Variants in GRIK4 observed in about 807,000 individuals in gnomAD.
The protein encoded by GRIK4 is glutamate ionotropic receptor kainate type subunit 4.
Under a neutral mutation model 104.9 loss-of-function variants are expected in GRIK4, and 40 were observed. The ratio of observed to expected loss-of-function variants is 0.38; its 90% confidence interval spans 0.30 to 0.50. The LOEUF (loss-of-function observed/expected upper bound fraction) is 0.50, where lower values mean the gene tolerates loss of function less well. Ranked by LOEUF, GRIK4 falls within the 20% of genes least tolerant of loss-of-function variation. GRIK4 has a pLI of 0.93. For synonymous variants in GRIK4, 485 were observed against 524.9 expected (o/e 0.92, Z 1.04); for missense variants, 1,047 against 1,308.1 (o/e 0.80, Z 3.08).
chr11:120,960,490 G>C (rs764405657), intron 16 of GRIK4, among the ~76,000 whole-genome samples: 1 of 152,190 alleles, frequency 6.6e-6, no homozygotes, highest in Non-Finnish European at 1.5e-5. Flanking sequence ...CTCACTGCCT[G>C]GCGATGCACA....
At chr11:120,827,221 G>A (rs1953290599) in intron 6 of GRIK4, among the ~76,000 whole-genome samples, 1 of 152,162 alleles carries the variant, frequency 6.6e-6, no homozygotes, top group Admixed American at 6.5e-5. Flanking sequence ...TTAGGTCTTG[G>A]TGTCCTTGTC....
chr11:120,520,981 C>T (rs373624228), intron 1 of GRIK4, among the ~76,000 whole-genome samples: 4 of 152,064 alleles, frequency 2.6e-5, no homozygotes, highest in African/African-American at 4.8e-5. Flanking sequence ...GGGCGGGGCA[C>T]GGGATATGCA....
intron 3 of GRIK4, among the ~76,000 whole-genome samples, chr11:120,751,433 GAAATA>G (rs1219485394): frequency 7.2e-5 from 11 of 152,190 alleles, no homozygotes; most frequent in Non-Finnish European, 1.2e-4. Flanking sequence ...GTAGCTTTAT[GAAATA>G]AAATAAATAA....
intron 1 of GRIK4, among the ~76,000 whole-genome samples, chr11:120,626,618 G>A (rs376636059): frequency 2.0e-5 from 3 of 152,080 alleles, no homozygotes; most frequent in Non-Finnish European, 2.9e-5. Flanking sequence ...ACCTTGATCC[G>A]TGCTTTCCCC....
intron 16 of GRIK4, among the ~76,000 whole-genome samples, chr11:120,959,059 C>T (rs1198135185): frequency 6.6e-6 from 1 of 152,130 alleles, no homozygotes; most frequent in Non-Finnish European, 1.5e-5. Flanking sequence ...CTGATGGTCT[C>T]TCTATACATT....
chr11:120,668,101 GGATAGATAGATAGATA>G lies in GRIK4; in HGVS notation c.82+7734_82+7749del, dbSNP rs60323501. On this transcript the variant is annotated intron_variant, in intron 3 of 20. Coordinates refer to ENST00000527524, the MANE Select transcript of GRIK4 (RefSeq NM_014619.5). ...CTGTCTCATAGATGGATAGATAGAT[GGATAGATAGATAGATA>G]GATAGATAGATAGATAGATAGATAG... Among the ~76,000 whole-genome samples, 235 of 144,206 alleles carry G rather than the reference GGATAGATAGATAGATA, an allele frequency of 1.6e-3. 1 individual carries two copies. Among genetic ancestry groups the G allele is most frequent in the Non-Finnish European group, 2.5e-3 (163 of 66,262 alleles). 94.6% of individuals were successfully genotyped at this position (144,206 alleles called of 152,430 possible).
intron 3 of GRIK4, among the ~76,000 whole-genome samples, chr11:120,707,630 A>G (rs1445129454): frequency 2.0e-5 from 3 of 152,220 alleles, no homozygotes; most frequent in African/African-American, 7.2e-5. Context: ...TTTAGCTTAC[A>G]AATCTTTACT....
intron 3 of GRIK4, among the ~76,000 whole-genome samples, chr11:120,782,368 C>T (rs1300294274): frequency 6.6e-6 from 1 of 150,596 alleles, no homozygotes; most frequent in Non-Finnish European, 1.5e-5. Flanking sequence ...TCACTGCAAG[C>T]TCCGCCTCCC....
At chr11:120,632,397 A>G (rs1949343115) in intron 1 of GRIK4, among the ~76,000 whole-genome samples, 1 of 152,124 alleles carries the variant, frequency 6.6e-6, no homozygotes, top group Non-Finnish European at 1.5e-5. Context: ...TAATGAGTAA[A>G]GAACGTAGCT....
chr11:120,561,513 G>T (rs969753835), intron 1 of GRIK4, among the ~76,000 whole-genome samples: 7 of 152,162 alleles, frequency 4.6e-5, no homozygotes, highest in African/African-American at 1.7e-4. Flanking sequence ...GGACTAGGGG[G>T]GCCTACTCGG....
intron 12 of GRIK4, among the ~76,000 whole-genome samples, chr11:120,901,461 C>T (rs1025687339): frequency 6.6e-6 from 1 of 152,186 alleles, no homozygotes; most frequent in Non-Finnish European, 1.5e-5. Flanking sequence ...ACGTCTCCCA[C>T]GAAGCCTTCC....
At chr11:120,605,749 G>A (rs978336319) in intron 1 of GRIK4, among the ~76,000 whole-genome samples, 5 of 152,274 alleles carry the variant, frequency 3.3e-5, no homozygotes, top group African/African-American at 4.8e-5. Flanking sequence ...TGGGCACAGA[G>A]CGTGGAGAGG....
Position 120,986,231 on chromosome 11 carries a change from A to G in GRIK4, c.2842A>G (p.Lys948Glu). 6.4e-7 allele frequency: 1 copy of G among 1,571,976 alleles called. No homozygotes were observed. The highest frequency in any genetic ancestry group is 8.6e-7 in the Non-Finnish European group (1 of 1,168,748). ...CAGCGAGGAGAGCCTGGAGTGGGAG[A>G]AAACCACCAACAGCAGCGAGCCCGA... ...ARSEESLEWEKTTNSSEPE is the reference protein window; with the variant it reads ...ARSEESLEWEETTNSSEPE The change falls in exon 21 of 21, where the codon AAA becomes GAA. Residue 948 changes from lysine (K) to glutamate (E), a missense_variant. Around this residue, in one of 3 missense-constraint regions of GRIK4, gnomAD observed 160 missense variants for 140.9 expected, o/e 1.14. Coordinates refer to ENST00000527524, the MANE Select transcript of GRIK4 (RefSeq NM_014619.5).
intron 3 of GRIK4, among the ~76,000 whole-genome samples, chr11:120,745,977 C>T (rs112068544): frequency 2.4e-4 from 36 of 152,312 alleles, no homozygotes; most frequent in African/African-American, 8.7e-4. Flanking sequence ...CATTGTGATT[C>T]CAGCTCTGCT....
chr11:120,793,098 G>A (rs912337159), intron 3 of GRIK4, among the ~76,000 whole-genome samples: 15 of 152,176 alleles, frequency 9.9e-5, no homozygotes, highest in African/African-American at 3.4e-4. Context: ...CGTATTGCCA[G>A]CTAGTGATAT....
At chr11:120,847,726 C>T (rs1953883685) in intron 8 of GRIK4, among the ~76,000 whole-genome samples, 1 of 152,248 alleles carries the variant, frequency 6.6e-6, no homozygotes, top group South Asian at 2.1e-4. Context: ...AGCCAACTTA[C>T]TATCCTATGT....
At chr11:120,711,002 A>AGGGG (rs1168448375) in intron 3 of GRIK4, among the ~76,000 whole-genome samples, 5 of 133,742 alleles carry the variant, frequency 3.7e-5, no homozygotes, top group African/African-American at 1.5e-4. Context: ...TGAGGTGGGG[A>AGGGG]GGGGGTGTGA....
chr11:120,736,832 C>A (rs1951232950), intron 3 of GRIK4, among the ~76,000 whole-genome samples: 1 of 151,050 alleles, frequency 6.6e-6, no homozygotes, highest in Non-Finnish European at 1.5e-5. Context: ...GAAAGTATGA[C>A]CAAGAAATAC....
At chr11:120,612,383 G>C (rs1468340213) in intron 1 of GRIK4, among the ~76,000 whole-genome samples, 1 of 152,078 alleles carries the variant, frequency 6.6e-6, no homozygotes, top group African/African-American at 2.4e-5. Flanking sequence ...CATTCCGTGA[G>C]AGCAAGGATT....
Sources: gnomAD v4.1 joint callset for allele counts (sites outside exome capture counted in the v4.1 genomes callset) on GRCh38, gnomAD v4.1.1 for gene constraint, gnomAD v4.1.1 regional missense constraint, MANE v1.5 for transcripts, NCBI Gene and HGNC (gene_info 2026-07-23, HGNC 2026-07-21) for gene names.